STARD13: variants seen among roughly 807,000 people sequenced by gnomAD.
STARD13 encodes the protein StAR related lipid transfer domain containing 13, also known as stAR-related lipid transfer protein 13.
A neutral mutation model predicts 106.4 loss-of-function variants in STARD13; 62 were observed. That is an observed-to-expected ratio of 0.58 (90% CI 0.48 to 0.72). STARD13 has a LOEUF of 0.72. Among genes scored for constraint, STARD13 ranks in the 30% least tolerant of loss-of-function variants. The pLI is 0.00. For synonymous variants in STARD13, 565 were observed against 553.0 expected, an observed-to-expected ratio of 1.02 and a Z score of -0.31; for missense variants, 1,387 against 1,424.0, an observed-to-expected ratio of 0.97 and a Z score of 0.42.
the STARD13 span, among the ~76,000 whole-genome samples, chr13:33,513,182 A>C: frequency 1.9e-4 from 29 of 152,250 alleles, no homozygotes; most frequent in African/African-American, 6.0e-4. Flanking sequence ...AGATAGGGTA[A>C]AGGGTCACCA....
intron 1 of STARD13, among the ~76,000 whole-genome samples, chr13:33,263,740 G>T (rs1890757577): frequency 1.3e-5 from 2 of 152,200 alleles, no homozygotes; most frequent in Non-Finnish European, 2.9e-5. Context: ...ATCGCGTGAT[G>T]ATTCTAGTTG....
the STARD13 span, among the ~76,000 whole-genome samples, chr13:33,548,208 C>G: frequency 6.6e-6 from 1 of 151,904 alleles, no homozygotes; most frequent in African/African-American, 2.4e-5. Context: ...ATAAATGAGC[C>G]AAAGATAGGG....
the STARD13 span, among the ~76,000 whole-genome samples, chr13:33,626,108 G>C: frequency 6.8e-3 from 1,036 of 152,208 alleles, 14 homozygotes; most frequent in African/African-American, 0.023. Flanking sequence ...ATTGTCTATA[G>C]ATAGACCATA....
At chr13:33,426,064 A>G in the STARD13 span, among the ~76,000 whole-genome samples, 2 of 152,084 alleles carry the variant, frequency 1.3e-5, no homozygotes, top group African/African-American at 2.4e-5. Flanking sequence ...AAATTGTACA[A>G]TTTCTCTAGA....
chr13:33,572,986 C>G, the STARD13 span, among the ~76,000 whole-genome samples: 1 of 152,072 alleles, frequency 6.6e-6, no homozygotes, highest in African/African-American at 2.4e-5. Context: ...CAAGATGACC[C>G]AGGATATATG....
At chr13:33,402,689 G>A in the STARD13 span, among the ~76,000 whole-genome samples, 2 of 152,232 alleles carry the variant, frequency 1.3e-5, no homozygotes, top group African/African-American at 4.8e-5. Flanking sequence ...GAGCAGATAA[G>A]GAGATGAGGA....
intron 4 of STARD13, chr13:33,138,760 G>C: frequency 9.2e-6 from 4 of 432,756 alleles, no homozygotes; most frequent in South Asian, 6.7e-5. Flanking sequence ...TGGGTTGTTA[G>C]TCTTCCAGTG....
the STARD13 span, among the ~76,000 whole-genome samples, chr13:33,440,455 A>G: frequency 6.9e-6 from 1 of 145,664 alleles, no homozygotes; most frequent in Non-Finnish European, 1.5e-5. Context: ...TCAGCTGACT[A>G]CTCCTTCCTT....
the STARD13 span, among the ~76,000 whole-genome samples, chr13:33,659,240 A>T: frequency 7.2e-4 from 16 of 22,162 alleles, no homozygotes; most frequent in East Asian, 3.6e-3. Context: ...TTTTTTTATG[A>T]AGTCTTGCTC....
the STARD13 span, among the ~76,000 whole-genome samples, chr13:33,585,167 G>T: frequency 6.6e-6 from 1 of 152,182 alleles, no homozygotes; most frequent in Non-Finnish European, 1.5e-5. Flanking sequence ...GAACCCTTGC[G>T]CACTGCTTGT....
chr13:33,307,721 T>C (rs1892965061), intron 1 of STARD13, among the ~76,000 whole-genome samples: 1 of 152,086 alleles, frequency 6.6e-6, no homozygotes, highest in African/African-American at 2.4e-5. Context: ...GCTTAATACC[T>C]AGGTGATGGG....
chr13:33,358,702 A>G, the STARD13 span, among the ~76,000 whole-genome samples: 17 of 152,006 alleles, frequency 1.1e-4, no homozygotes, highest in African/African-American at 2.9e-4. Context: ...TGTTTAGCTC[A>G]AGGTTTGTGA....
At chr13:33,509,881 T>C in the STARD13 span, among the ~76,000 whole-genome samples, 24 of 152,300 alleles carry the variant, frequency 1.6e-4, no homozygotes, top group African/African-American at 5.5e-4. Context: ...AACAGGAACT[T>C]CCTGGTGTCC....
At chr13:33,469,007 C>T in the STARD13 span, among the ~76,000 whole-genome samples, 1,135 of 152,288 alleles carry the variant, frequency 7.5e-3, 14 homozygotes, top group African/African-American at 0.025. Context: ...TACTAACTAA[C>T]AACATATACC....
At chr13:33,557,625 G>A in the STARD13 span, among the ~76,000 whole-genome samples, 1 of 152,194 alleles carries the variant, frequency 6.6e-6, no homozygotes, top group South Asian at 2.1e-4. Context: ...GTGTTACCTA[G>A]AAGGTGCTCT....
At chr13:33,661,882 A>G in the STARD13 span, among the ~76,000 whole-genome samples, 46 of 151,024 alleles carry the variant, frequency 3.0e-4, no homozygotes, top group Non-Finnish European at 4.1e-4. Context: ...GAGGGGAAGA[A>G]TCAGGAATAT....
intron 1 of STARD13, among the ~76,000 whole-genome samples, chr13:33,181,295 CAT>C (rs1555243465): frequency 4.6e-5 from 7 of 151,494 alleles, no homozygotes; most frequent in Non-Finnish European, 7.4e-5. Context: ...CACACACACA[CAT>C]ATTCATGCAC....
At chr13:33,283,207 T>G (rs967611146) in intron 1 of STARD13, among the ~76,000 whole-genome samples, 2 of 152,222 alleles carry the variant, frequency 1.3e-5, no homozygotes, top group East Asian at 3.8e-4. Context: ...TGTATTGCTG[T>G]ATCCTGAGTA....
At chr13:33,527,728 A>G in the STARD13 span, among the ~76,000 whole-genome samples, 3 of 151,884 alleles carry the variant, frequency 2.0e-5, no homozygotes, top group Admixed American at 2.0e-4. Flanking sequence ...GACATTTCTG[A>G]AATAATTATA....
Sources: gnomAD v4.1 joint callset for allele counts (sites outside exome capture counted in the v4.1 genomes callset) on GRCh38, gnomAD v4.1.1 for gene constraint, MANE v1.5 for transcripts, NCBI Gene and HGNC (gene_info 2026-07-23, HGNC 2026-07-21) for gene names.